PHF24: variants seen among roughly 807,000 people sequenced by gnomAD.
PHF24 encodes the protein PHD finger protein 24.
In PHF24, 25 loss-of-function variants were observed where a neutral mutation model predicts 42.6. The observed-to-expected ratio is 0.59, with a 90% CI of 0.43 to 0.82. PHF24 has a LOEUF of 0.82. PHF24 is among the 40% of genes least tolerant of loss of function. The pLI is 0.00. For synonymous variants in PHF24, 185 were observed against 204.8 expected (o/e 0.90, Z 0.83); for missense variants, 470 against 538.1 (o/e 0.87, Z 1.25).
At chr9:34,709,147 C>T in the PHF24 span, 8 of 582,330 alleles carry the variant, frequency 1.4e-5, no homozygotes, top group Non-Finnish European at 2.1e-5. Context: ...TGCCTCCTCT[C>T]ATGCTCCCTG....
At chr9:34,908,974 A>G in the PHF24 span, among the ~76,000 whole-genome samples, 5 of 151,374 alleles carry the variant, frequency 3.3e-5, no homozygotes, top group Non-Finnish European at 5.9e-5. Context: ...CAGCCTCCCA[A>G]GTAGCTGGGA....
At chr9:34,883,830 A>G in the PHF24 span, among the ~76,000 whole-genome samples, 4 of 152,248 alleles carry the variant, frequency 2.6e-5, no homozygotes, top group Non-Finnish European at 2.9e-5. Context: ...ATCTAGAACT[A>G]GAAATACCAT....
the PHF24 span, among the ~76,000 whole-genome samples, chr9:34,715,694 A>G: frequency 1.3e-4 from 20 of 152,168 alleles, no homozygotes; most frequent in Admixed American, 1.3e-4. Context: ...GGAGGTACAC[A>G]TGGCTGATTT....
the PHF24 span, among the ~76,000 whole-genome samples, chr9:34,780,020 C>T: frequency 1.3e-5 from 2 of 152,058 alleles, no homozygotes; most frequent in Admixed American, 1.3e-4. Flanking sequence ...GCCACTGTGC[C>T]CAGCTGGTCA....
the PHF24 span, chr9:34,729,494 A>C: frequency 6.7e-7 from 1 of 1,487,568 alleles, no homozygotes; most frequent in Non-Finnish European, 9.0e-7. Flanking sequence ...CTGGTGCCTA[A>C]TGAATCCCAG....
the PHF24 span, among the ~76,000 whole-genome samples, chr9:34,908,460 T>A: frequency 1.1e-4 from 17 of 152,134 alleles, no homozygotes; most frequent in East Asian, 1.7e-3. Context: ...ATGTAGTATG[T>A]TAGATGGTGA....
the PHF24 span, among the ~76,000 whole-genome samples, chr9:34,712,131 A>AT: frequency 1.3e-5 from 2 of 151,968 alleles, no homozygotes; most frequent in South Asian, 2.1e-4. Flanking sequence ...CTTTAAATAT[A>AT]TCCCCCATTG....
chr9:34,712,412 A>C, the PHF24 span, among the ~76,000 whole-genome samples: 1 of 151,762 alleles, frequency 6.6e-6, no homozygotes, highest in African/African-American at 2.4e-5. Flanking sequence ...TCTCCTCCTG[A>C]GACTCCTGTG....
chr9:34,976,513 T>C, intron 4 of PHF24, 22 bp from the exon 5 acceptor site: 1 of 1,602,818 alleles, frequency 6.2e-7, no homozygotes, highest in Non-Finnish European at 8.5e-7. Flanking sequence ...TGGGCATGGC[T>C]AGCACGGGGT....
chr9:34,788,111 C>T, the PHF24 span, among the ~76,000 whole-genome samples: 1 of 152,122 alleles, frequency 6.6e-6, no homozygotes, highest in African/African-American at 2.4e-5. Context: ...GATCATGGCT[C>T]ACTGCAGCCT....
the PHF24 span, among the ~76,000 whole-genome samples, chr9:34,807,074 C>T: frequency 2.6e-5 from 4 of 152,244 alleles, no homozygotes; most frequent in South Asian, 8.3e-4. Context: ...ACCTCTAGTA[C>T]AATGTTGAGT....
the PHF24 span, among the ~76,000 whole-genome samples, chr9:34,761,802 C>G: frequency 1.3e-5 from 2 of 152,054 alleles, no homozygotes. Flanking sequence ...CCCATTAACT[C>G]GTCATTTAGC....
At chr9:34,690,424 CTGTGTGTGTGTGTGTGTGTG>C in the PHF24 span, 7 of 608,622 alleles carry the variant, frequency 1.2e-5, no homozygotes, top group East Asian at 6.6e-5. Context: ...TTGAGGACAC[CTGTGTGTGTGTGTGTGTGTG>C]TGTGTGTGTG....
the PHF24 span, among the ~76,000 whole-genome samples, chr9:34,843,562 G>T: frequency 6.6e-6 from 1 of 152,106 alleles, no homozygotes; most frequent in African/African-American, 2.4e-5. Flanking sequence ...GCTATTATAG[G>T]TCATTAATTT....
chr9:34,771,376 G>T, the PHF24 span, among the ~76,000 whole-genome samples: 2 of 152,284 alleles, frequency 1.3e-5, no homozygotes, highest in African/African-American at 2.4e-5. Context: ...GTAAGTACTT[G>T]TATGCCTGAA....
chr9:34,929,757 G>C, the PHF24 span, among the ~76,000 whole-genome samples: 69,553 of 152,036 alleles, frequency 0.46, 16,355 homozygotes, highest in Non-Finnish European at 0.51. Context: ...ATTCACTGCT[G>C]CAAGTATTCA....
the PHF24 span, chr9:34,835,851 C>T: frequency 7.8e-7 from 1 of 1,281,404 alleles, no homozygotes; most frequent in African/African-American, 1.5e-5. Flanking sequence ...CTATACTCTG[C>T]TCAAAGGATA....
chr9:34,771,503 G>C, the PHF24 span, among the ~76,000 whole-genome samples: 1 of 152,190 alleles, frequency 6.6e-6, no homozygotes, highest in Non-Finnish European at 1.5e-5. Flanking sequence ...TAGACTCATG[G>C]AAAATTACAA....
chr9:34,805,809 C>T, the PHF24 span, among the ~76,000 whole-genome samples: 3 of 152,040 alleles, frequency 2.0e-5, no homozygotes, highest in African/African-American at 7.2e-5. Context: ...GAATGCTTTC[C>T]CTTATGTTGT....
Sources: gnomAD v4.1 joint callset for allele counts (sites outside exome capture counted in the v4.1 genomes callset) on GRCh38, gnomAD v4.1.1 for gene constraint, MANE v1.5 for transcripts, NCBI Gene and HGNC (gene_info 2026-07-23, HGNC 2026-07-21) for gene names.